Variants in GABRB1 observed in about 807,000 individuals in gnomAD.
GABRB1 encodes the protein gamma-aminobutyric acid receptor subunit beta-1.
GABRB1 carries 17 observed loss-of-function variants against 51.6 expected under a neutral mutation model. The ratio of observed to expected loss-of-function variants is 0.33; its 90% CI spans 0.23 to 0.49. The LOEUF is 0.49. GABRB1 is among the 20% of genes least tolerant of loss of function. GABRB1 has a pLI of 0.99. For missense variants in GABRB1, 410 were observed against 600.6 expected (o/e 0.68, Z 3.32); for synonymous variants, 247 against 218.9 (o/e 1.13, Z -1.14).
At chr4:47,060,576 T>C (rs527739424) in intron 3 of GABRB1, among the ~76,000 whole-genome samples, 1 of 152,306 alleles carries the variant, frequency 6.6e-6, no homozygotes, top group South Asian at 2.1e-4. Flanking sequence ...GAAAGCATAC[T>C]AGGAAATCAA....
chr4:47,063,457 A>G (rs931098595), intron 3 of GABRB1, among the ~76,000 whole-genome samples: 1 of 152,176 alleles, frequency 6.6e-6, no homozygotes, highest in Admixed American at 6.5e-5. Context: ...GGATTCCTAC[A>G]CTGGGAAGCC....
chr4:47,385,162 T>C (rs899161059), intron 5 of GABRB1, among the ~76,000 whole-genome samples: 2 of 152,218 alleles, frequency 1.3e-5, no homozygotes, highest in African/African-American at 4.8e-5. Context: ...CCTATCATAA[T>C]AATGCCATGA....
At chr4:47,266,003 T>C (rs1415446750) in intron 4 of GABRB1, among the ~76,000 whole-genome samples, 1 of 152,182 alleles carries the variant, frequency 6.6e-6, no homozygotes, top group Non-Finnish European at 1.5e-5. Context: ...GTCTTAGTTA[T>C]GAATTCTTTA....
intron 4 of GABRB1, among the ~76,000 whole-genome samples, chr4:47,263,877 G>C (rs978626166): frequency 6.6e-6 from 1 of 151,942 alleles, no homozygotes; most frequent in African/African-American, 2.4e-5. Flanking sequence ...TTAAACATCA[G>C]TGTTCACACT....
At chr4:47,140,223 T>C (rs1716873503) in intron 3 of GABRB1, among the ~76,000 whole-genome samples, 1 of 151,968 alleles carries the variant, frequency 6.6e-6, no homozygotes, top group Non-Finnish European at 1.5e-5. Flanking sequence ...ATGTATGTTG[T>C]AATTTTACAA....
chr4:47,366,134 T>A (rs1726972891), intron 5 of GABRB1, among the ~76,000 whole-genome samples: 1 of 152,190 alleles, frequency 6.6e-6, no homozygotes, highest in East Asian at 1.9e-4. Context: ...AGGTTCCCAT[T>A]TTGAACAATT....
At chr4:47,070,976 A>C (rs1253010041) in intron 3 of GABRB1, among the ~76,000 whole-genome samples, 5 of 152,190 alleles carry the variant, frequency 3.3e-5, no homozygotes, top group Admixed American at 6.5e-5. Context: ...ACATATCCAA[A>C]CAAAATCCTT....
chr4:47,213,432 C>T (rs892832680), intron 4 of GABRB1, among the ~76,000 whole-genome samples: 1 of 151,440 alleles, frequency 6.6e-6, no homozygotes, highest in Non-Finnish European at 1.5e-5. Context: ...CTCTCTCTCT[C>T]TCTCACTCTC....
At chr4:47,179,260 C>G (rs1486855314) in intron 4 of GABRB1, among the ~76,000 whole-genome samples, 1 of 152,086 alleles carries the variant, frequency 6.6e-6, no homozygotes, top group Non-Finnish European at 1.5e-5. Flanking sequence ...ATGATGATTT[C>G]CAGCTTCATC....
At chr4:47,165,157 G>T (rs904855835) in intron 4 of GABRB1, among the ~76,000 whole-genome samples, 1 of 151,968 alleles carries the variant, frequency 6.6e-6, no homozygotes, top group Non-Finnish European at 1.5e-5. Flanking sequence ...TATCACCTCC[G>T]TCTATGTCAC....
intron 3 of GABRB1, among the ~76,000 whole-genome samples, chr4:47,123,668 G>GAT (rs1396668388): frequency 1.0e-4 from 7 of 67,146 alleles, no homozygotes; most frequent in Non-Finnish European, 1.5e-4. Flanking sequence ...AAATATATAT[G>GAT]ATATGATATA....
chr4:47,121,940 TAATATTAATTTGTTAGGC>T (rs1319909821), intron 3 of GABRB1, among the ~76,000 whole-genome samples: 21 of 152,212 alleles, frequency 1.4e-4, no homozygotes, highest in African/African-American at 5.1e-4. Context: ...AATAGTTAAA[TAATATTAATTTGTTAGGC>T]ATGATCTTCT....
intron 3 of GABRB1, among the ~76,000 whole-genome samples, chr4:47,079,905 G>A (rs572263146): frequency 2.0e-5 from 3 of 151,574 alleles, no homozygotes; most frequent in East Asian, 1.9e-4. Context: ...TTTAAATGAC[G>A]AGTTAATGGG....
At chr4:47,224,683 C>T (rs1399930746) in intron 4 of GABRB1, among the ~76,000 whole-genome samples, 1 of 152,044 alleles carries the variant, frequency 6.6e-6, no homozygotes, top group Non-Finnish European at 1.5e-5. Context: ...ACATGGAAGG[C>T]CAAAGCCAAA....
intron 1 of GABRB1, among the ~76,000 whole-genome samples, chr4:47,019,382 T>C (rs1200015844): frequency 1.3e-5 from 2 of 152,132 alleles, no homozygotes; most frequent in African/African-American, 4.8e-5. Context: ...CTTTTCTACC[T>C]ACGCTCACAA....
intron 4 of GABRB1, among the ~76,000 whole-genome samples, chr4:47,183,588 T>C (rs1719048595): frequency 6.6e-6 from 1 of 151,692 alleles, no homozygotes; most frequent in African/African-American, 2.4e-5. Flanking sequence ...TTCCACATTC[T>C]ACCAAACTCT....
At chr4:47,298,161 T>G (rs1275344148) in intron 4 of GABRB1, among the ~76,000 whole-genome samples, 1 of 152,148 alleles carries the variant, frequency 6.6e-6, no homozygotes. Context: ...ACTGGAAGCA[T>G]TCCCTTTGAA....
intron 3 of GABRB1, among the ~76,000 whole-genome samples, chr4:47,107,857 G>GTATCTTTT (rs1184886527): frequency 6.6e-6 from 1 of 152,018 alleles, no homozygotes; most frequent in Non-Finnish European, 1.5e-5. Context: ...TATTTTAGGA[G>GTATCTTTT]AGTAACTTTT....
intron 4 of GABRB1, among the ~76,000 whole-genome samples, chr4:47,313,357 C>T (rs1724775010): frequency 6.6e-6 from 1 of 152,058 alleles, no homozygotes; most frequent in African/African-American, 2.4e-5. Flanking sequence ...AAACTAAAGA[C>T]AGAATTAACA....
Sources: gnomAD v4.1 joint callset for allele counts (sites outside exome capture counted in the v4.1 genomes callset) on GRCh38, gnomAD v4.1.1 for gene constraint, MANE v1.5 for transcripts, NCBI Gene and HGNC (gene_info 2026-07-23, HGNC 2026-07-21) for gene names.